INO80: variants seen among roughly 807,000 people sequenced by gnomAD.
The protein encoded by INO80 is INO80 complex ATPase subunit.
A neutral mutation model predicts 203.4 loss-of-function variants in INO80; 20 were observed. The observed-to-expected ratio is 0.10, with a 90% CI of 0.07 to 0.14. The LOEUF (loss-of-function observed/expected upper bound fraction) is 0.14. Ranked by LOEUF, INO80 falls within the 10% of genes least tolerant of loss-of-function variation. The pLI is 1.00. For synonymous variants in INO80, 726 were observed against 685.2 expected (o/e 1.06, Z -0.93); for missense variants, 1,419 against 1,914.4 (o/e 0.74, Z 4.83).
At position 41,041,615 on chromosome 15, in the gene INO80, A is replaced by AT. The variant is rs533577464; in HGVS notation, c.2907+3288dup. Among the ~76,000 whole-genome samples the AT allele has an allele frequency of 2.7e-3, 407 of 149,920 alleles. 2 individuals are homozygous for AT. Among genetic ancestry groups the AT allele is most frequent in the South Asian group, 0.013 (61 of 4,738 alleles). ...ACCGCCACGCCCAGCTAATTTTTGT[A>AT]TTTTTTTAGTAGAGACGGGGTTTCA... On this transcript the variant is annotated intron_variant, in intron 24 of 35. Transcript: ENST00000648947.
At chr15:40,998,088 C>T (rs537096373) in intron 28 of INO80, among the ~76,000 whole-genome samples, 27 of 139,814 alleles carry the variant, frequency 1.9e-4, no homozygotes, top group African/African-American at 7.0e-4. Context: ...GAGGCGCGAT[C>T]TCAGCTCACT....
In INO80 at chr15:40,985,391, C is replaced by T; in HGVS notation, c.3868G>A (p.Glu1290Lys). ...LRQEEKRQQE[E>K]TNRVKERKRK... ...TTGCGCTCTTTCACTCGGTTGGTTT[C>T]CTCCTGTTGCCGTTTCTCTTCCTGC... Residue 1290 changes from glutamate to lysine, a missense_variant, in exon 32 of 36, where the codon GAA (glutamate) becomes AAA (lysine). Physicochemically the swap from Glu to Lys is moderately conservative, Grantham distance 56. Coordinates refer to ENST00000648947, the MANE Select transcript of INO80 (RefSeq NM_017553.3). 6.2e-7 allele frequency: 1 copy of T among 1,614,052 alleles called. No individual in the cohort carries two copies. Among genetic ancestry groups the T allele is most frequent in the African/African-American group, 1.3e-5 (1 of 75,012 alleles).
chr15:41,083,636 C>T (rs1180007776), intron 7 of INO80, among the ~76,000 whole-genome samples: 1 of 150,854 alleles, frequency 6.6e-6, no homozygotes, highest in Middle Eastern at 3.2e-3. Flanking sequence ...ATCGCTGAAA[C>T]CCAGGAGGCA....
chr15:41,079,574 C>CAAAAAAAA, intron 9 of INO80, 127 bp downstream of exon 9: 1 of 644,166 alleles, frequency 1.6e-6, no homozygotes, highest in Non-Finnish European at 2.6e-6. Context: ...GCATCTCTAC[C>CAAAAAAAA]AAAAAAAAAA....
At position 40,981,317 on chromosome 15, in the gene INO80, T is replaced by C. The variant is rs142410142; in HGVS notation, c.4454-877A>G. ...TTTCTGCCCTCTACACAGTGCAGGT[T>C]CTGAGGAGAAACCCTGATGAGTATA... On this transcript the variant is annotated intron_variant, in intron 35 of 35. Coordinates refer to ENST00000648947, the MANE Select transcript of INO80 (RefSeq NM_017553.3). Among the ~76,000 whole-genome samples, 3 of 152,284 alleles carry C rather than the reference T, an allele frequency of 2.0e-5. No individual in the cohort carries two copies. The East Asian group carries it at 5.8e-4, about 29-fold the overall frequency.
chr15:41,085,558 T>C lies in INO80; in HGVS notation c.684A>G (p.Lys228=). 1 of 1,614,064 alleles carries C rather than the reference T, an allele frequency of 6.2e-7. No individual in the cohort carries two copies. Among genetic ancestry groups the C allele is most frequent in the Non-Finnish European group, 8.5e-7 (1 of 1,179,980 alleles). The change falls in exon 7 of 36, where the codon AAA becomes AAG. Residue 228 remains lysine (K), a synonymous_variant. Coordinates refer to ENST00000648947, the MANE Select transcript of INO80 (RefSeq NM_017553.3). ...LKAKLKKVKK[K]RRRDEELSSE... Reference sequence around the variant, plus strand: ...AGGAAAGTTCTTCATCTCTTCGTCTTTTTTTCTTCACTTTTTTCAACTTAG... The same window carrying C: ...AGGAAAGTTCTTCATCTCTTCGTCTCTTTTTCTTCACTTTTTTCAACTTAG...
At chr15:41,056,833 G>C in intron 16 of INO80, 127 bp from the exon 17 acceptor site, 1 of 679,124 alleles carries the variant, frequency 1.5e-6, no homozygotes, top group Non-Finnish European at 2.6e-6. Flanking sequence ...ACTCCATCAT[G>C]TATTCAACTG....
At chr15:41,058,570 CGTGTGTGT>C (rs67053863) in intron 16 of INO80, 61 bp downstream of exon 16, 107 of 543,620 alleles carry the variant, frequency 2.0e-4, no homozygotes, top group Non-Finnish European at 2.6e-4. Flanking sequence ...TGTGTGTGTG[CGTGTGTGT>C]GTGTGTGTGT....
At chr15:40,985,278 CT>C (rs772545906) in intron 32 of INO80, 59 bp downstream of exon 32, 3 of 1,248,940 alleles carry the variant, frequency 2.4e-6, no homozygotes, top group East Asian at 2.3e-5. Context: ...ACCCCAAAGC[CT>C]TTTTGGTAAG....
intron 35 of INO80, among the ~76,000 whole-genome samples, chr15:40,982,511 G>C (rs765297440): frequency 6.6e-6 from 1 of 152,188 alleles, no homozygotes; most frequent in Admixed American, 6.5e-5. Context: ...TCACACAGCT[G>C]AATGAACGTT....
chr15:41,114,862 T>C (rs1369488132), intron 1 of INO80, among the ~76,000 whole-genome samples: 1 of 152,192 alleles, frequency 6.6e-6, no homozygotes, highest in African/African-American at 2.4e-5. Flanking sequence ...AATAGTTACC[T>C]AAGACTGGAG....
chr15:41,013,368 G>T (rs367922772), intron 27 of INO80: 2 of 152,144 alleles, frequency 1.3e-5, no homozygotes, highest in Non-Finnish European at 2.9e-5. Flanking sequence ...CTATTCAGAA[G>T]GTCCCACTGC....
intron 1 of INO80, among the ~76,000 whole-genome samples, chr15:41,115,232 T>C (rs945344974): frequency 6.6e-6 from 1 of 152,192 alleles, no homozygotes; most frequent in Non-Finnish European, 1.5e-5. Context: ...CAGGCACAGT[T>C]GGCTGTTAAC....
At chr15:41,113,768 G>C (rs183574390) in intron 1 of INO80, among the ~76,000 whole-genome samples, 10 of 152,178 alleles carry the variant, frequency 6.6e-5, no homozygotes, top group African/African-American at 2.4e-4. Flanking sequence ...AATAGCTCTC[G>C]ATTTGTTGCT....
At chr15:41,025,567 G>A (rs2044363405) in intron 25 of INO80, among the ~76,000 whole-genome samples, 2 of 151,876 alleles carry the variant, frequency 1.3e-5, no homozygotes, top group East Asian at 1.9e-4. Flanking sequence ...ATACAAAAAT[G>A]AGCTGGGCGT....
In INO80 at chr15:40,995,647, G is replaced by C. The variant is rs75210366; in HGVS notation, c.3570+1882C>G. On this transcript the variant is annotated intron_variant, in intron 29 of 35. Coordinates refer to ENST00000648947, the MANE Select transcript of INO80 (RefSeq NM_017553.3). ...ATCAACAGGTATGAAGCCGGGAACTGAGAGTGGAGTCCAAAAGAGCAGCTG... is the reference window on the plus strand; with the variant it reads ...ATCAACAGGTATGAAGCCGGGAACTCAGAGTGGAGTCCAAAAGAGCAGCTG... 2.5e-3 allele frequency among the ~76,000 whole-genome samples: 384 copies of C among 152,340 alleles called. 1 individual carries two copies. The highest frequency in any genetic ancestry group is 8.6e-3 in the African/African-American group (359 of 41,574).
chr15:41,016,267 A>G, intron 26 of INO80, 52 bp from the exon 27 acceptor site: 1 of 1,578,276 alleles, frequency 6.3e-7, no homozygotes, highest in South Asian at 1.1e-5. Context: ...TGAAGCGACA[A>G]AATCACTCAA....
intron 30 of INO80, 115 bp downstream of exon 30, chr15:40,987,701 G>A (rs1201574236): frequency 9.8e-7 from 1 of 1,018,312 alleles, no homozygotes; most frequent in African/African-American, 1.6e-5. Flanking sequence ...AGAAATTGTA[G>A]TTTCGTCAGG....
At chr15:41,061,995 C>T (rs1001867971) in intron 14 of INO80, among the ~76,000 whole-genome samples, 10 of 151,978 alleles carry the variant, frequency 6.6e-5, no homozygotes, top group Admixed American at 1.3e-4. Context: ...ATCTACAGAC[C>T]GCTATCTTTT....
Sources: allele counts gnomAD v4.1 joint callset (sites outside exome capture counted in the v4.1 genomes callset), GRCh38; gene constraint gnomAD v4.1.1; transcripts MANE v1.5; gene names NCBI Gene and HGNC (gene_info 2026-07-23, HGNC 2026-07-21).